ADAMTSL2: variants seen among roughly 807,000 people sequenced by gnomAD.
ADAMTSL2 encodes ADAMTS like 2, also known as ADAMTS-like protein 2.
Under a neutral mutation model 117.0 loss-of-function variants are expected in ADAMTSL2, and 55 were observed. The observed-to-expected ratio is 0.47, with a 90% CI of 0.38 to 0.59. The LOEUF (loss-of-function observed/expected upper bound fraction) is 0.59. Ranked by LOEUF, ADAMTSL2 falls within the 20% of genes least tolerant of loss-of-function variation. The pLI, the probability that ADAMTSL2 is intolerant of heterozygous loss-of-function variation, is 0.00. For synonymous variants in ADAMTSL2, 572 were observed against 566.4 expected (o/e 1.01, Z -0.14); for missense variants, 1,182 against 1,354.5 (o/e 0.87, Z 2.00).
chr9:133,554,208 T>C lies in ADAMTSL2; in HGVS notation c.940-149T>C, dbSNP rs1310923711. On this transcript the variant is annotated intron_variant, in intron 9 of 18. Coordinates refer to ENST00000651351, the MANE Select transcript of ADAMTSL2 (RefSeq NM_014694.4). The surrounding 1 kb of genome is among the most constrained non-coding windows in gnomAD (Gnocchi z 5.2). The stretch of plus-strand genomic sequence containing the variant: ...TGCCCCTGGGGCAGGAGCACTGCGT[T>C]GGGCTGGGCTAGTCAGTGTCATTCC... 2.5e-5 allele frequency: 18 copies of C among 727,688 alleles called. No homozygotes were observed. In the Admixed American group the frequency reaches 5.1e-4, roughly 21 times the overall value. The allele number at this position is 727,688 out of a possible 1,614,324, so 45.1% of individuals were successfully genotyped here. A position where few individuals can be genotyped will look rare whatever the true frequency, so the allele number is the denominator to read the frequency against.
intron 7 of ADAMTSL2, among the ~76,000 whole-genome samples, chr9:133,541,866 A>C (rs1158474408): frequency 6.6e-6 from 1 of 152,124 alleles, no homozygotes; most frequent in African/African-American, 2.4e-5. Context: ...TTTTGGAGGG[A>C]TGTCACTTGT....
At chr9:133,548,094 G>A (rs939801756) in intron 9 of ADAMTSL2, among the ~76,000 whole-genome samples, 14 of 152,254 alleles carry the variant, frequency 9.2e-5, no homozygotes, top group East Asian at 1.9e-4. Flanking sequence ...CACAACCTGG[G>A]CTGTTTTGGT....
intron 7 of ADAMTSL2, among the ~76,000 whole-genome samples, chr9:133,542,593 C>T (rs1318145093): frequency 6.6e-6 from 1 of 152,222 alleles, no homozygotes; most frequent in Non-Finnish European, 1.5e-5. Flanking sequence ...CAAGGTAACT[C>T]ATTCACGCCT....
chr9:133,564,185 A>AGAGG (rs1564509345), intron 12 of ADAMTSL2, among the ~76,000 whole-genome samples: 1 of 43,850 alleles, frequency 2.3e-5, no homozygotes, highest in African/African-American at 1.2e-4. Context: ...AGAGAGAGGG[A>AGAGG]GAGAGAGAGA....
intron 11 of ADAMTSL2, among the ~76,000 whole-genome samples, chr9:133,559,854 T>C (rs1830688013): frequency 6.6e-6 from 1 of 152,144 alleles, no homozygotes; most frequent in African/African-American, 2.4e-5. Context: ...CCTTCACTCC[T>C]CTTCTCCCTC....
At chr9:133,570,728 C>T (rs1025336593) in intron 17 of ADAMTSL2, among the ~76,000 whole-genome samples, 1 of 152,206 alleles carries the variant, frequency 6.6e-6, no homozygotes, top group Non-Finnish European at 1.5e-5. Context: ...CCTGGGATCC[C>T]TACGGCACTC....
chr9:133,570,707 C>T (rs892096455), intron 17 of ADAMTSL2, among the ~76,000 whole-genome samples, 200 bp downstream of exon 17: 8 of 152,246 alleles, frequency 5.3e-5, no homozygotes, highest in South Asian at 2.1e-4. Context: ...GAAGCCTTCT[C>T]TGATCTTGTC....
chr9:133,570,849 CG>C (rs1831089618), intron 17 of ADAMTSL2, among the ~76,000 whole-genome samples: 5 of 152,144 alleles, frequency 3.3e-5, no homozygotes, highest in Admixed American at 2.0e-4. Context: ...CCCAGGTGGG[CG>C]GGGGGAGCAG....
Position 133,555,794 on chromosome 9 carries a change from GC to G in ADAMTSL2, c.1514del (p.Ala505ValfsTer13). The G allele has an allele frequency of 2.5e-6, 4 of 1,613,998 alleles. No homozygotes were observed. The highest frequency in any genetic ancestry group is 3.4e-6 in the Non-Finnish European group (4 of 1,180,042). On this transcript the variant is annotated frameshift_variant, in exon 11 of 19. Coordinates refer to ENST00000651351, the MANE Select transcript of ADAMTSL2 (RefSeq NM_014694.4). LOFTEE classifies it high-confidence loss of function. ...CGTGGATTATGAGGAGAACGAGGGG[GC>G]TGGCCCTTACCTGCTCAACGGGTCC... The part of the protein sequence containing the change: ...FFVDYEENEG[A>X]GPYLLNGSYL...
At position 133,567,071 on chromosome 9, in the gene ADAMTSL2, C is replaced by T; in HGVS notation, c.1874+9C>T. On this transcript the variant is annotated intron_variant, in intron 13 of 18. Transcript: ENST00000651351. ...AGGGAGTGCCAGCCCAGGTACCTGC[C>T]ACCAGGGGCCCTGGGCAGGGGGTCG... is the stretch of plus-strand genomic sequence containing the variant. The T allele has an allele frequency of 6.9e-6, 11 of 1,603,902 alleles. No individual in the cohort carries two copies. In the East Asian group the frequency reaches 8.9e-5, roughly 13 times the overall value.
chr9:133,552,882 G>A (rs1449958478), intron 9 of ADAMTSL2, among the ~76,000 whole-genome samples: 1 of 152,170 alleles, frequency 6.6e-6, no homozygotes, highest in Admixed American at 6.5e-5. Flanking sequence ...TAGCCTGGTA[G>A]CATTTCTCCC....
Position 133,568,663 on chromosome 9 carries a change from GAGA to G in ADAMTSL2, c.2152_2154del (p.Lys718del). 6.2e-7 allele frequency: 1 copy of G among 1,613,486 alleles called. No homozygotes were observed. Among genetic ancestry groups the G allele is most frequent in the South Asian group, 1.1e-5 (1 of 91,062 alleles). On this transcript the variant is annotated inframe_deletion, in exon 15 of 19. Transcript: ENST00000651351. ...CAGGGACATCCGCTGCTCGGAGGAT[GAGA>G]AGCTGTGTGACCCCAACACCAGGCC...
upstream of ADAMTSL2, among the ~76,000 whole-genome samples, chr9:133,533,411 C>T (rs937802410): frequency 2.0e-5 from 3 of 152,162 alleles, no homozygotes; most frequent in Admixed American, 1.3e-4. Flanking sequence ...TTAAACAACC[C>T]GGCAGAGGAG....
chr9:133,570,290 T>A, intron 16 of ADAMTSL2, 41 bp from the exon 17 acceptor site: 1 of 1,535,306 alleles, frequency 6.5e-7, no homozygotes, highest in Non-Finnish European at 8.7e-7. Context: ...AGGGTCCTGC[T>A]GGGCCCTGGC....
intron 12 of ADAMTSL2, among the ~76,000 whole-genome samples, chr9:133,561,708 G>C (rs1446203700): frequency 6.6e-6 from 1 of 152,228 alleles, no homozygotes; most frequent in Non-Finnish European, 1.5e-5. Flanking sequence ...ACGAAGGGAA[G>C]TAGGCAAATT....
chr9:133,568,878 A>G, intron 15 of ADAMTSL2, 120 bp downstream of exon 15: 2 of 1,322,532 alleles, frequency 1.5e-6, no homozygotes, highest in Non-Finnish European at 2.1e-6. Context: ...AAGAATGTCC[A>G]ACCAGCCTTC....
At chr9:133,556,242 C>T (rs377232458) in intron 11 of ADAMTSL2, among the ~76,000 whole-genome samples, 2 of 152,212 alleles carry the variant, frequency 1.3e-5, no homozygotes, top group Admixed American at 6.5e-5. Context: ...TCTGAGCATG[C>T]CTTGTGAGCC....
intron 12 of ADAMTSL2, 45 bp downstream of exon 12, chr9:133,561,340 T>A: frequency 6.6e-7 from 1 of 1,521,318 alleles, no homozygotes; most frequent in East Asian, 2.4e-5. Context: ...CCTGAACCCA[T>A]TTCCATGGAC....
At chr9:133,547,919 C>A (rs10120207) in intron 9 of ADAMTSL2, among the ~76,000 whole-genome samples, 128,303 of 151,980 alleles carry the variant, frequency 0.84, 54,934 homozygotes, top group Non-Finnish European at 0.92. Flanking sequence ...TGGCTAGCGT[C>A]TGGAAATGGA....
Sources: allele counts gnomAD v4.1 joint callset (sites outside exome capture counted in the v4.1 genomes callset), GRCh38; gene constraint gnomAD v4.1.1; non-coding constraint Gnocchi (gnomAD v3.1); transcripts MANE v1.5; gene names NCBI Gene and HGNC (gene_info 2026-07-23, HGNC 2026-07-21).